Variants in SLC25A48 observed in about 807,000 individuals in gnomAD.
SLC25A48 encodes the protein CTC-321K16.1.
Under a neutral mutation model 32.2 loss-of-function variants are expected in SLC25A48, and 29 were observed. The ratio of observed to expected loss-of-function variants is 0.90; its 90% CI spans 0.67 to 1.23. The LOEUF is 1.23. SLC25A48 is among the 50% of genes most tolerant of loss of function. SLC25A48 has a pLI of 0.00. For synonymous variants in SLC25A48, 164 were observed against 172.3 expected (o/e 0.95, Z 0.38); for missense variants, 399 against 422.7 (o/e 0.94, Z 0.49).
At chr5:135,886,627 ATATATATAT>A (rs1762731062) in intron 7 of SLC25A48, among the ~76,000 whole-genome samples, 1 of 27,108 alleles carries the variant, frequency 3.7e-5, no homozygotes, top group Non-Finnish European at 6.2e-5. Flanking sequence ...ATATATATAT[ATATATATAT>A]AAAATATATA....
chr5:135,616,741 T>C (rs1752200045), intron 1 of SLC25A48, among the ~76,000 whole-genome samples: 1 of 152,214 alleles, frequency 6.6e-6, no homozygotes, highest in South Asian at 2.1e-4. Flanking sequence ...TATTTTGCAA[T>C]GTGAGGAGAA....
chr5:135,652,563 G>A, intron 3 of SLC25A48: 1 of 393,592 alleles, frequency 2.5e-6, no homozygotes, highest in South Asian at 1.9e-5. Flanking sequence ...AATGAAAGGT[G>A]CAGTCACTTA....
chr5:135,858,123 C>T (rs374678649), intron 4 of SLC25A48, among the ~76,000 whole-genome samples: 1 of 152,130 alleles, frequency 6.6e-6, no homozygotes, highest in East Asian at 1.9e-4. Flanking sequence ...CAGAAGGAAA[C>T]CAGTTCTCTT....
chr5:135,646,420 C>T (rs1752960321), intron 3 of SLC25A48, among the ~76,000 whole-genome samples: 1 of 151,958 alleles, frequency 6.6e-6, no homozygotes. Context: ...TATCTCTGTT[C>T]CTTCAAGTTC....
At chr5:135,599,012 T>C (rs963804423) in intron 1 of SLC25A48, among the ~76,000 whole-genome samples, 1 of 151,966 alleles carries the variant, frequency 6.6e-6, no homozygotes, top group Non-Finnish European at 1.5e-5. Context: ...GGAGGGGATA[T>C]AACGAGGTGT....
intron 3 of SLC25A48, among the ~76,000 whole-genome samples, chr5:135,665,498 G>A (rs1200538021): frequency 2.0e-5 from 3 of 151,898 alleles, no homozygotes; most frequent in Admixed American, 1.3e-4. Flanking sequence ...TCTTAGTCAT[G>A]AATTCTTTGC....
At chr5:135,863,920 A>G (rs1024964105) in intron 4 of SLC25A48, among the ~76,000 whole-genome samples, 1 of 152,200 alleles carries the variant, frequency 6.6e-6, no homozygotes, top group Admixed American at 6.5e-5. Context: ...GGGAGAGAAG[A>G]AGAAAGAAAG....
intron 3 of SLC25A48, among the ~76,000 whole-genome samples, chr5:135,670,415 G>A (rs1425643686): frequency 6.6e-6 from 1 of 152,218 alleles, no homozygotes; most frequent in Non-Finnish European, 1.5e-5. Flanking sequence ...GCTCCCTGCT[G>A]TAGTCTTTTC....
At chr5:135,600,485 T>C (rs572334799) in intron 1 of SLC25A48, among the ~76,000 whole-genome samples, 1 of 152,286 alleles carries the variant, frequency 6.6e-6, no homozygotes, top group East Asian at 1.9e-4. Context: ...TGCTCAGAAT[T>C]GTGCCCATGC....
chr5:135,871,445 T>G lies in SLC25A48; in HGVS notation c.422-16T>G. ...ACCCTGGGTCACTTGCCACCTTCTC[T>G]CCCCTGTCTTTGCAGCCAACCTCGG... On this transcript the variant is annotated splice_polypyrimidine_tract_variant and intron_variant, in intron 4 of 7. Coordinates refer to ENST00000681962, the MANE Select transcript of SLC25A48 (RefSeq NM_001349336.2). The G allele has an allele frequency of 6.4e-7, 1 of 1,569,614 alleles. No individual in the cohort carries two copies. The highest frequency in any genetic ancestry group is 2.3e-5 in the East Asian group (1 of 44,434).
chr5:135,596,378 A>G (rs1751651591), intron 1 of SLC25A48, among the ~76,000 whole-genome samples: 1 of 152,206 alleles, frequency 6.6e-6, no homozygotes, highest in Non-Finnish European at 1.5e-5. Context: ...GCACAGAGAC[A>G]TGTGACTTCA....
At chr5:135,597,139 G>C (rs1364186712) in intron 1 of SLC25A48, among the ~76,000 whole-genome samples, 1 of 152,236 alleles carries the variant, frequency 6.6e-6, no homozygotes, top group East Asian at 1.9e-4. Flanking sequence ...AGGTTGATTT[G>C]AGGATTAAAT....
intron 1 of SLC25A48, among the ~76,000 whole-genome samples, chr5:135,622,705 A>C (rs570472696): frequency 6.6e-6 from 1 of 152,228 alleles, no homozygotes; most frequent in Non-Finnish European, 1.5e-5. Context: ...GAGCAATTTT[A>C]TGTTCTTTAC....
At chr5:135,584,439 G>T (rs564734282) in intron 1 of SLC25A48, among the ~76,000 whole-genome samples, 31 of 152,280 alleles carry the variant, frequency 2.0e-4, no homozygotes, top group African/African-American at 7.2e-4. Context: ...GCAGGATCAC[G>T]GCATTTTGGT....
At chr5:135,792,984 A>T (rs1387456880) in intron 3 of SLC25A48, among the ~76,000 whole-genome samples, 1 of 151,506 alleles carries the variant, frequency 6.6e-6, no homozygotes. Flanking sequence ...ACACCCTGGG[A>T]TATTATGCAT....
At chr5:135,741,956 G>A (rs937047666) in intron 3 of SLC25A48, among the ~76,000 whole-genome samples, 1 of 152,188 alleles carries the variant, frequency 6.6e-6, no homozygotes, top group African/African-American at 2.4e-5. Flanking sequence ...CATTTTCTTG[G>A]CTACAGAATC....
At chr5:135,693,825 G>A (rs948601924) in intron 3 of SLC25A48, among the ~76,000 whole-genome samples, 1 of 152,226 alleles carries the variant, frequency 6.6e-6, no homozygotes, top group Non-Finnish European at 1.5e-5. Context: ...CCTGAATGAG[G>A]CCTGCTGGGT....
intron 3 of SLC25A48, among the ~76,000 whole-genome samples, chr5:135,695,843 G>A (rs1274056762): frequency 6.6e-6 from 1 of 152,180 alleles, no homozygotes; most frequent in East Asian, 1.9e-4. Flanking sequence ...AGCAGCTCTG[G>A]GATGGGAGGG....
chr5:135,670,548 C>T (rs1242221840), intron 3 of SLC25A48, among the ~76,000 whole-genome samples: 4 of 152,166 alleles, frequency 2.6e-5, no homozygotes, highest in Non-Finnish European at 5.9e-5. Flanking sequence ...CCATTTTGAG[C>T]CTCAGTTCCC....
Sources: gnomAD v4.1 joint callset for allele counts (sites outside exome capture counted in the v4.1 genomes callset) on GRCh38, gnomAD v4.1.1 for gene constraint, MANE v1.5 for transcripts, NCBI Gene and HGNC (gene_info 2026-07-23, HGNC 2026-07-21) for gene names.